The following SPHKAP variants were observed in gnomAD, a reference collection of about 807,000 sequenced individuals.
SPHKAP encodes A-kinase anchor protein SPHKAP.
In SPHKAP, 67 loss-of-function variants were observed where a neutral mutation model predicts 137.5. The ratio of observed to expected loss-of-function variants is 0.49; its 90% CI spans 0.40 to 0.60. SPHKAP has a LOEUF of 0.60. SPHKAP is among the 20% of genes least tolerant of loss of function. The pLI is 0.00. For missense variants in SPHKAP, 2,097 were observed against 2,069.3 expected, an observed-to-expected ratio of 1.01 and a Z score of -0.26; for synonymous variants, 813 against 785.3, an observed-to-expected ratio of 1.04 and a Z score of -0.59.
At chr2:228,035,785 G>T (rs1559360154) in intron 3 of SPHKAP, among the ~76,000 whole-genome samples, 1 of 152,188 alleles carries the variant, frequency 6.6e-6, no homozygotes, top group South Asian at 2.1e-4. Flanking sequence ...ATGGGGAAAG[G>T]ATTCCCTATT....
Position 228,063,174 on chromosome 2 carries a change from A to ATCTATCTGTCTGTCTG in SPHKAP, c.247-35632_247-35631insCAGACAGACAGATAGA, listed in dbSNP as rs756046439. On this transcript the variant is annotated intron_variant, in intron 3 of 11. Transcript: ENST00000392056. The stretch of plus-strand genomic sequence containing the variant: ...TATCTATCTATCTATCTATCTATCT[A>ATCTATCTGTCTGTCTG]TCTGTCTGTCTGTCTGTCTGTCTAT... Among the ~76,000 whole-genome samples, 208 of 147,280 alleles carry ATCTATCTGTCTGTCTG rather than the reference A, an allele frequency of 1.4e-3. 1 individual carries two copies. The highest frequency in any genetic ancestry group is 4.8e-3 in the African/African-American group (188 of 39,346).
chr2:228,025,275 GAC>G, intron 5 of SPHKAP, 117 bp downstream of exon 5: 1 of 1,098,628 alleles, frequency 9.1e-7, no homozygotes, highest in South Asian at 2.3e-5. Context: ...CAAATATAAA[GAC>G]ACTTTGATTC....
rs112647376 is a variant in SPHKAP at position 228,049,160 on chromosome 2, ATACAGCT to A, written c.247-21624_247-21618del. On this transcript the variant is annotated intron_variant, in intron 3 of 11. Transcript: ENST00000392056. ...AGGATTTTTGGAAGGGTTTAAACAC[ATACAGCT>A]TACAAAGTCTAAAACACAGGAAGTG... Among the ~76,000 whole-genome samples, 1,384 of 152,346 alleles carry A rather than the reference ATACAGCT, an allele frequency of 9.1e-3. 20 individuals are homozygous for A. The highest frequency in any genetic ancestry group is 0.03 in the African/African-American group (1,264 of 41,576).
chr2:228,023,990 T>C (rs543203940), intron 5 of SPHKAP, among the ~76,000 whole-genome samples: 14 of 152,268 alleles, frequency 9.2e-5, no homozygotes, highest in Middle Eastern at 3.4e-3. Context: ...AAAAAGATAT[T>C]GCTTCCTTGT....
intron 3 of SPHKAP, among the ~76,000 whole-genome samples, chr2:228,071,906 T>G (rs569327744): frequency 6.6e-6 from 1 of 152,354 alleles, no homozygotes; most frequent in South Asian, 2.1e-4. Flanking sequence ...GATGTCCAGA[T>G]AGCTGGTTAA....
At chr2:228,007,758 A>G (rs968920446) in intron 7 of SPHKAP, among the ~76,000 whole-genome samples, 7 of 152,206 alleles carry the variant, frequency 4.6e-5, no homozygotes, top group Admixed American at 1.3e-4. Context: ...AGAAACCCAC[A>G]TATCTATGAT....
chr2:227,981,574 C>T lies in SPHKAP; in HGVS notation c.*143G>A. On this transcript the variant is annotated 3_prime_UTR_variant, in exon 12 of 12. Transcript: ENST00000392056. ...CTTTTCCTCTGACTTATTCTGTATGCAGTGGATCTGAGTAGCAGATTTTTT... is the reference window on the plus strand; with the variant it reads ...CTTTTCCTCTGACTTATTCTGTATGTAGTGGATCTGAGTAGCAGATTTTTT... The T allele has an allele frequency of 9.4e-7, 1 of 1,060,582 alleles. No homozygotes were observed. The highest frequency in any genetic ancestry group is 1.3e-6 in the Non-Finnish European group (1 of 758,682). The allele number at this position is 1,060,582 out of a possible 1,614,324, so 65.7% of individuals were successfully genotyped here.
At chr2:228,006,997 TGAG>T (rs1694168249) in intron 7 of SPHKAP, among the ~76,000 whole-genome samples, 1 of 152,112 alleles carries the variant, frequency 6.6e-6, no homozygotes, top group South Asian at 2.1e-4. Flanking sequence ...GGGACCTACT[TGAG>T]GAGGCAGTCT....
intron 1 of SPHKAP, among the ~76,000 whole-genome samples, chr2:228,147,661 A>G (rs2106394687): frequency 6.6e-6 from 1 of 152,302 alleles, no homozygotes; most frequent in South Asian, 2.1e-4. Context: ...CTCATCTGTG[A>G]AATGGGACTC....
At chr2:228,151,024 C>T (rs1384821513) in intron 1 of SPHKAP, among the ~76,000 whole-genome samples, 1 of 151,728 alleles carries the variant, frequency 6.6e-6, no homozygotes, top group Non-Finnish European at 1.5e-5. Flanking sequence ...TGCTGGTGTG[C>T]TGCACCCATT....
intron 3 of SPHKAP, among the ~76,000 whole-genome samples, chr2:228,057,219 T>G (rs1468322157): frequency 1.3e-5 from 2 of 152,212 alleles, no homozygotes; most frequent in Non-Finnish European, 2.9e-5. Flanking sequence ...TAGCTAATGA[T>G]TATTAAATAG....
intron 1 of SPHKAP, among the ~76,000 whole-genome samples, chr2:228,158,493 C>G (rs961617965): frequency 6.6e-6 from 1 of 151,970 alleles, no homozygotes; most frequent in African/African-American, 2.4e-5. Context: ...AGGTCAAAGT[C>G]TGAGACACTG....
chr2:228,043,312 T>G (rs2106261469), intron 3 of SPHKAP, among the ~76,000 whole-genome samples: 1 of 152,254 alleles, frequency 6.6e-6, no homozygotes, highest in Middle Eastern at 3.4e-3. Flanking sequence ...AAAGAGTTAG[T>G]TGAGGATGCA....
At position 228,019,979 on chromosome 2, in the gene SPHKAP, T is replaced by C. The variant is rs1383115804; in HGVS notation, c.875A>G (p.Lys292Arg). The C allele has an allele frequency of 1.2e-6, 2 of 1,614,242 alleles. No individual in the cohort carries two copies. The highest frequency in any genetic ancestry group is 1.7e-6 in the Non-Finnish European group (2 of 1,180,042). ...ATCTAGACTCTGCAAGGCTGTGTTC[T>C]TTGTTAGGTTTTCTGGAGATCGTTC... ...KTERSPENLT[K>R]NTALQSLDPS... Residue 292 changes from lysine (K) to arginine (R), a missense_variant, in exon 7 of 12, where the codon AAG (lysine) becomes AGG (arginine). Coordinates refer to ENST00000392056, the MANE Select transcript of SPHKAP (RefSeq NM_001142644.2).
At chr2:228,008,125 A>T (rs1694211577) in intron 7 of SPHKAP, among the ~76,000 whole-genome samples, 2 of 152,100 alleles carry the variant, frequency 1.3e-5, no homozygotes, top group Non-Finnish European at 2.9e-5. Flanking sequence ...TCTGTGGCTT[A>T]TCTCTTCTCA....
At chr2:228,001,434 AATATAT>A (rs372036392) in intron 7 of SPHKAP, among the ~76,000 whole-genome samples, 1 of 141,438 alleles carries the variant, frequency 7.1e-6, no homozygotes, top group African/African-American at 2.6e-5. Context: ...TACATATATA[AATATAT>A]ATATGTATAT....
intron 3 of SPHKAP, among the ~76,000 whole-genome samples, chr2:228,035,971 G>A (rs1309980422): frequency 6.7e-6 from 1 of 150,050 alleles, no homozygotes; most frequent in African/African-American, 2.5e-5. Flanking sequence ...CATAGGCATG[G>A]GCAAGGACTT....
chr2:228,085,730 C>T (rs936891448), intron 3 of SPHKAP, among the ~76,000 whole-genome samples: 1 of 152,076 alleles, frequency 6.6e-6, no homozygotes, highest in Admixed American at 6.6e-5. Flanking sequence ...AAGTGACCTC[C>T]GTTACAGGTT....
At chr2:228,121,905 A>G (rs1464772262) in intron 2 of SPHKAP, among the ~76,000 whole-genome samples, 1 of 152,108 alleles carries the variant, frequency 6.6e-6, no homozygotes, top group Non-Finnish European at 1.5e-5. Context: ...CTGGCAGGAT[A>G]TGAGAAAGAT....
Sources: gnomAD v4.1 joint callset for allele counts (sites outside exome capture counted in the v4.1 genomes callset) on GRCh38, gnomAD v4.1.1 for gene constraint, MANE v1.5 for transcripts, NCBI Gene and HGNC (gene_info 2026-07-23, HGNC 2026-07-21) for gene names.